The following CRPPA variants were observed in gnomAD, a reference collection of about 807,000 sequenced individuals.
CRPPA encodes the protein CDP-L-ribitol pyrophosphorylase A.
Under a neutral mutation model 52.0 loss-of-function variants are expected in CRPPA, and 43 were observed. The observed-to-expected ratio is 0.83, with a 90% CI of 0.65 to 1.07. The LOEUF (loss-of-function observed/expected upper bound fraction) is 1.07, where lower values mean the gene tolerates loss of function less well. Among genes scored for constraint, CRPPA ranks in the 50% least tolerant of loss-of-function variants. The probability of loss-of-function intolerance (pLI) is 0.00; values close to 1 mark genes in which losing one functional copy is unlikely to be tolerated. For missense variants in CRPPA, 629 were observed against 551.7 expected (o/e 1.14, Z -1.40); for synonymous variants, 250 against 203.5 (o/e 1.23, Z -1.94).
At chr7:16,199,131 C>A (rs1781797296) in intron 9 of CRPPA, among the ~76,000 whole-genome samples, 1 of 152,112 alleles carries the variant, frequency 6.6e-6, no homozygotes, top group South Asian at 2.1e-4. Flanking sequence ...TGACCTGGAC[C>A]CCTGACGGCT....
chr7:16,202,514 T>C (rs1307328391), intron 9 of CRPPA, among the ~76,000 whole-genome samples: 1 of 152,132 alleles, frequency 6.6e-6, no homozygotes, highest in East Asian at 1.9e-4. Flanking sequence ...AGAAATAAAG[T>C]GATAAACCAG....
chr7:16,302,361 AACC>A (rs1237960142), intron 4 of CRPPA, among the ~76,000 whole-genome samples: 1 of 151,024 alleles, frequency 6.6e-6, no homozygotes, highest in East Asian at 2.0e-4. Context: ...CTTGTAATGT[AACC>A]TGCCAACATG....
chr7:16,127,897 C>G (rs868556895), intron 9 of CRPPA, among the ~76,000 whole-genome samples: 1 of 152,100 alleles, frequency 6.6e-6, no homozygotes, highest in Non-Finnish European at 1.5e-5. Context: ...ACTGATTAAA[C>G]GTCAAATGTT....
chr7:16,262,708 C>G (rs569187547), intron 6 of CRPPA, among the ~76,000 whole-genome samples: 2 of 152,284 alleles, frequency 1.3e-5, no homozygotes, highest in South Asian at 2.1e-4. Context: ...TTAAAGGATT[C>G]TCCTTGGCTC....
intron 8 of CRPPA, among the ~76,000 whole-genome samples, chr7:16,243,286 C>T (rs1783177315): frequency 1.3e-5 from 2 of 152,254 alleles, no homozygotes; most frequent in South Asian, 4.1e-4. Flanking sequence ...GCCTCCCCAG[C>T]CATGTGGAAC....
chr7:16,327,517 T>C (rs904180693), intron 3 of CRPPA, among the ~76,000 whole-genome samples: 20 of 142,444 alleles, frequency 1.4e-4, no homozygotes, highest in East Asian at 4.2e-4. Flanking sequence ...GGCGTGAACC[T>C]GGGAAGCGGA....
chr7:16,224,921 T>C (rs1393409099), intron 8 of CRPPA, among the ~76,000 whole-genome samples: 3 of 152,128 alleles, frequency 2.0e-5, no homozygotes, highest in African/African-American at 7.2e-5. Flanking sequence ...ATCATCAAAG[T>C]CAACTCATAA....
At chr7:16,206,633 G>A (rs1183761224) in intron 9 of CRPPA, among the ~76,000 whole-genome samples, 8 of 151,976 alleles carry the variant, frequency 5.3e-5, no homozygotes, top group Admixed American at 4.6e-4. Context: ...TGAAAAAAGT[G>A]GCAAATTCTC....
At chr7:16,223,880 A>ATT (rs34194782) in intron 8 of CRPPA, among the ~76,000 whole-genome samples, 14 of 151,768 alleles carry the variant, frequency 9.2e-5, no homozygotes, top group Middle Eastern at 3.4e-3. Context: ...CATCAAGTAG[A>ATT]TTTTTTTTTG....
intron 9 of CRPPA, among the ~76,000 whole-genome samples, chr7:16,129,612 T>C (rs1418678491): frequency 6.6e-6 from 1 of 152,112 alleles, no homozygotes; most frequent in Non-Finnish European, 1.5e-5. Context: ...CCATCCTGAA[T>C]ATGTGTCATG....
chr7:16,125,769 A>T (rs963993057), intron 9 of CRPPA, among the ~76,000 whole-genome samples: 1 of 152,110 alleles, frequency 6.6e-6, no homozygotes, highest in African/African-American at 2.4e-5. Flanking sequence ...AATTTATTTT[A>T]AAAAATTTTC....
intron 9 of CRPPA, among the ~76,000 whole-genome samples, chr7:16,139,165 A>C (rs966015405): frequency 6.6e-6 from 1 of 152,198 alleles, no homozygotes; most frequent in African/African-American, 2.4e-5. Flanking sequence ...ATTGAGGAAG[A>C]GGCAGCGTGG....
chr7:16,138,422 T>C (rs1245178133), intron 9 of CRPPA, among the ~76,000 whole-genome samples: 1 of 152,174 alleles, frequency 6.6e-6, no homozygotes, highest in African/African-American at 2.4e-5. Context: ...TCAAAAACTG[T>C]ATACCAAGAA....
chr7:16,368,839 AT>A, intron 3 of CRPPA, among the ~76,000 whole-genome samples: 1 of 152,270 alleles, frequency 6.6e-6, no homozygotes, highest in Non-Finnish European at 1.5e-5. Flanking sequence ...ACTTCCAATA[AT>A]TTTTCAGATG....
At chr7:16,097,754 T>C (rs1339913068) in intron 9 of CRPPA, among the ~76,000 whole-genome samples, 3 of 151,990 alleles carry the variant, frequency 2.0e-5, no homozygotes, top group African/African-American at 7.3e-5. Context: ...AAGCAGGAGA[T>C]TTTCACAGAA....
In CRPPA at chr7:16,089,134, A is replaced by G. The variant is rs1474704092; in HGVS notation, c.*2561T>C. On this transcript the variant is annotated 3_prime_UTR_variant, in exon 10 of 10. Transcript: ENST00000407010. ...GAAGGATGTGCAGATATATATACAT[A>G]TAAAATACATATACATAAAACATAA... The G allele has an allele frequency of 4.0e-6, 1 of 250,558 alleles. No homozygotes were observed. The highest frequency in any genetic ancestry group is 8.9e-6 in the Non-Finnish European group (1 of 112,462). The allele number at this position is 250,558 out of a possible 1,614,324, so 15.5% of individuals were successfully genotyped here.
chr7:16,339,841 C>G (rs974070160), intron 3 of CRPPA, among the ~76,000 whole-genome samples: 2 of 152,040 alleles, frequency 1.3e-5, no homozygotes, highest in African/African-American at 4.8e-5. Context: ...ACTGACACTT[C>G]CAGACTTCAA....
At chr7:16,370,624 G>C (rs573317502) in intron 3 of CRPPA, among the ~76,000 whole-genome samples, 4 of 152,250 alleles carry the variant, frequency 2.6e-5, no homozygotes, top group East Asian at 3.9e-4. Flanking sequence ...AACAGGCCTC[G>C]AGTCCCAGAT....
At chr7:16,397,899 C>A (rs1211873613) in intron 2 of CRPPA, among the ~76,000 whole-genome samples, 1 of 152,162 alleles carries the variant, frequency 6.6e-6, no homozygotes, top group African/African-American at 2.4e-5. Flanking sequence ...GTGACCAAAG[C>A]ATGTTTGACG....
Sources: gnomAD v4.1 joint callset for allele counts (sites outside exome capture counted in the v4.1 genomes callset) on GRCh38, gnomAD v4.1.1 for gene constraint, MANE v1.5 for transcripts, NCBI Gene and HGNC (gene_info 2026-07-23, HGNC 2026-07-21) for gene names.